Variants in GALNT13 observed in about 807,000 individuals in gnomAD.
GALNT13 encodes the protein UDP-GalNAc:polypeptide N-acetylgalactosaminyltransferase 13.
A neutral mutation model predicts 64.2 loss-of-function variants in GALNT13; 28 were observed. The observed-to-expected ratio is 0.44, with a 90% confidence interval of 0.32 to 0.60. The LOEUF (loss-of-function observed/expected upper bound fraction) is 0.60, where lower values mean the gene tolerates loss of function less well. Among genes scored for constraint, GALNT13 ranks in the 20% least tolerant of loss-of-function variants. The pLI, the probability that GALNT13 is intolerant of heterozygous loss-of-function variation, is 0.05. For missense variants in GALNT13, 577 were observed against 669.8 expected, an observed-to-expected ratio of 0.86 and a Z score of 1.53; for synonymous variants, 214 against 224.6, an observed-to-expected ratio of 0.95 and a Z score of 0.42.
At chr2:153,898,747 C>T (rs1056474542) in intron 1 of GALNT13, among the ~76,000 whole-genome samples, 2 of 149,658 alleles carry the variant, frequency 1.3e-5, no homozygotes, top group Non-Finnish European at 2.9e-5. Context: ...CAATCAATAG[C>T]ATGTGATTAT....
chr2:154,143,059 G>A (rs913118869), intron 4 of GALNT13, among the ~76,000 whole-genome samples: 1 of 152,106 alleles, frequency 6.6e-6, no homozygotes, highest in Admixed American at 6.6e-5. Flanking sequence ...GACCAGTTTT[G>A]TGGAAGACAA....
chr2:154,338,322 T>G (rs1296151839), intron 9 of GALNT13, among the ~76,000 whole-genome samples: 1 of 152,158 alleles, frequency 6.6e-6, no homozygotes, highest in Non-Finnish European at 1.5e-5. Context: ...GTCAACTTTA[T>G]AGGTGAAAAG....
downstream of GALNT13, among the ~76,000 whole-genome samples, chr2:154,454,301 A>G (rs1701981508): frequency 6.6e-6 from 1 of 152,106 alleles, no homozygotes; most frequent in Non-Finnish European, 1.5e-5. Flanking sequence ...CCTTATTGTT[A>G]ATATAAACTA....
the GALNT13 span, among the ~76,000 whole-genome samples, chr2:153,351,358 G>C: frequency 1.3e-5 from 2 of 152,140 alleles, no homozygotes; most frequent in East Asian, 3.9e-4. Flanking sequence ...AGAATGCATA[G>C]AGATTTCCAT....
the GALNT13 span, among the ~76,000 whole-genome samples, chr2:153,606,428 G>C: frequency 6.6e-5 from 10 of 152,032 alleles, no homozygotes; most frequent in Non-Finnish European, 1.5e-4. Flanking sequence ...ATGTGGCCCA[G>C]GATGGCTTTA....
chr2:154,450,686 T>C lies in GALNT13; in HGVS notation c.*135T>C. 1.2e-6 allele frequency: 1 copy of C among 805,576 alleles called. No individual in the cohort carries two copies. The highest frequency in any genetic ancestry group is 1.8e-6 in the Non-Finnish European group (1 of 544,274). 49.9% of individuals were successfully genotyped at this position (805,576 alleles called of 1,614,324 possible). A position where few individuals can be genotyped will look rare whatever the true frequency, so the allele number is the denominator to read the frequency against. ...TATTCTAAAACACAATTGTTTCTAA[T>C]TCGTTTCTAGAAATGTTTGCTTATT... On this transcript the variant is annotated 3_prime_UTR_variant, in exon 13 of 13. Coordinates refer to ENST00000392825, the MANE Select transcript of GALNT13 (RefSeq NM_052917.4).
chr2:153,541,489 T>C, the GALNT13 span, among the ~76,000 whole-genome samples: 2 of 152,162 alleles, frequency 1.3e-5, no homozygotes, highest in African/African-American at 4.8e-5. Context: ...CTAGAATCCT[T>C]CTTCTCCAGT....
At chr2:154,022,654 AT>A (rs1697605110) in intron 3 of GALNT13, among the ~76,000 whole-genome samples, 1 of 151,970 alleles carries the variant, frequency 6.6e-6, no homozygotes, top group South Asian at 2.1e-4. Flanking sequence ...CAGCTCCTGG[AT>A]TCATTAATTT....
intron 2 of GALNT13, among the ~76,000 whole-genome samples, chr2:153,917,682 C>T: frequency 6.6e-6 from 1 of 152,058 alleles, no homozygotes; most frequent in Non-Finnish European, 1.5e-5. Context: ...CCAAATCTCC[C>T]ACCTGTAAGC....
the GALNT13 span, among the ~76,000 whole-genome samples, chr2:153,431,013 G>A: frequency 6.6e-6 from 1 of 151,902 alleles, no homozygotes; most frequent in Non-Finnish European, 1.5e-5. Context: ...AGCTGGGCAT[G>A]GTGGCACATG....
chr2:154,354,642 C>G (rs1696624498), intron 9 of GALNT13, among the ~76,000 whole-genome samples: 1 of 150,256 alleles, frequency 6.7e-6, no homozygotes. Context: ...AATGTGGAAA[C>G]TCACTTCTGC....
chr2:153,400,941 T>C, the GALNT13 span, among the ~76,000 whole-genome samples: 24 of 152,020 alleles, frequency 1.6e-4, no homozygotes, highest in Admixed American at 7.2e-4. Context: ...TCTGCTCTGA[T>C]TTTAGTTATT....
chr2:153,263,091 A>T, the GALNT13 span, among the ~76,000 whole-genome samples: 1 of 152,116 alleles, frequency 6.6e-6, no homozygotes, highest in African/African-American at 2.4e-5. Flanking sequence ...AAGCAACATT[A>T]GCAAAGTCTC....
the GALNT13 span, among the ~76,000 whole-genome samples, chr2:153,175,607 C>G: frequency 2.0e-5 from 3 of 152,216 alleles, no homozygotes; most frequent in African/African-American, 7.2e-5. Context: ...AGAAGCATCT[C>G]TAAGCAGTGT....
chr2:153,678,479 A>G, the GALNT13 span, among the ~76,000 whole-genome samples: 2 of 152,054 alleles, frequency 1.3e-5, no homozygotes, highest in African/African-American at 2.4e-5. Context: ...CTAAACATTG[A>G]GTACACACGG....
At chr2:153,298,065 T>C in the GALNT13 span, among the ~76,000 whole-genome samples, 2 of 152,210 alleles carry the variant, frequency 1.3e-5, no homozygotes, top group Non-Finnish European at 1.5e-5. Context: ...ATGAGCAGGT[T>C]ATCTCAGAGA....
the GALNT13 span, among the ~76,000 whole-genome samples, chr2:153,634,019 T>C: frequency 6.6e-6 from 1 of 152,178 alleles, no homozygotes; most frequent in East Asian, 1.9e-4. Context: ...AAGATCATCA[T>C]TTTCCATCGT....
chr2:153,571,420 T>G, the GALNT13 span, among the ~76,000 whole-genome samples: 1 of 151,978 alleles, frequency 6.6e-6, no homozygotes, highest in African/African-American at 2.4e-5. Context: ...ATTTGACTTC[T>G]TTCAAATTTG....
chr2:153,490,959 CAAA>C, the GALNT13 span, among the ~76,000 whole-genome samples: 3 of 96,026 alleles, frequency 3.1e-5, no homozygotes, highest in Admixed American at 1.1e-4. Flanking sequence ...GACTCTGTCT[CAAA>C]AAAAAAAAAA....
Sources: allele counts gnomAD v4.1 joint callset (sites outside exome capture counted in the v4.1 genomes callset), GRCh38; gene constraint gnomAD v4.1.1; transcripts MANE v1.5; gene names NCBI Gene and HGNC (gene_info 2026-07-23, HGNC 2026-07-21).